Variants in CDH18 observed in about 807,000 individuals in gnomAD.
The protein encoded by CDH18 is cadherin-18.
CDH18 carries 31 observed loss-of-function variants against 67.9 expected under a neutral mutation model. That is an observed-to-expected ratio of 0.46 (90% CI 0.34 to 0.62). The LOEUF (loss-of-function observed/expected upper bound fraction) is 0.62, where lower values mean the gene tolerates loss of function less well. Among genes scored for constraint, CDH18 ranks in the 20% least tolerant of loss-of-function variants. The pLI, the probability that CDH18 is intolerant of heterozygous loss-of-function variation, is 0.01. For missense variants in CDH18, 890 were observed against 975.5 expected (o/e 0.91, Z 1.17); for synonymous variants, 362 against 347.2 (o/e 1.04, Z -0.48).
intron 5 of CDH18, among the ~76,000 whole-genome samples, chr5:19,649,783 C>CT (rs34822143): frequency 3.3e-5 from 5 of 151,646 alleles, no homozygotes; most frequent in South Asian, 4.2e-4. Flanking sequence ...AAATGGCTAC[C>CT]TTTTTTTTCC....
intron 2 of CDH18, among the ~76,000 whole-genome samples, chr5:19,936,980 A>G (rs1794345751): frequency 6.6e-6 from 1 of 151,358 alleles, no homozygotes; most frequent in Non-Finnish European, 1.5e-5. Flanking sequence ...TGTAATTATA[A>G]ACATGGCCAT....
chr5:19,520,110 A>T (rs778664570), intron 10 of CDH18, among the ~76,000 whole-genome samples: 6 of 152,098 alleles, frequency 3.9e-5, no homozygotes, highest in Non-Finnish European at 5.9e-5. Flanking sequence ...CAGCCTTCCA[A>T]ATTGCCATGC....
At chr5:20,082,498 T>C (rs1224806323) in intron 2 of CDH18, among the ~76,000 whole-genome samples, 1 of 152,210 alleles carries the variant, frequency 6.6e-6, no homozygotes, top group East Asian at 1.9e-4. Flanking sequence ...TTTTGCAAAT[T>C]GCAAAACCCT....
intron 2 of CDH18, among the ~76,000 whole-genome samples, chr5:20,020,064 C>T (rs1307088040): frequency 6.6e-6 from 1 of 152,148 alleles, no homozygotes; most frequent in Non-Finnish European, 1.5e-5. Context: ...TGCCCCTGCT[C>T]TAGGGATCTG....
At chr5:20,019,476 G>A (rs1291035254) in intron 2 of CDH18, among the ~76,000 whole-genome samples, 1 of 152,096 alleles carries the variant, frequency 6.6e-6, no homozygotes. Flanking sequence ...TGGATCATGG[G>A]GGCCAATTTG....
At chr5:20,203,581 A>AAGAGAGAGAGAGAGAGAGAGAGAG (rs57913549) in intron 2 of CDH18, among the ~76,000 whole-genome samples, 41 of 145,574 alleles carry the variant, frequency 2.8e-4, no homozygotes, top group African/African-American at 1.0e-3. Context: ...GTGGAGGGAA[A>AAGAGAGAGAGAGAGAGAGAGAGAG]AGAGAGAGAG....
intron 8 of CDH18, among the ~76,000 whole-genome samples, chr5:19,546,522 T>C (rs534832097): frequency 6.6e-6 from 1 of 152,266 alleles, no homozygotes; most frequent in South Asian, 2.1e-4. Context: ...GCTTCTTCCA[T>C]TTTAGTATGA....
intron 11 of CDH18, among the ~76,000 whole-genome samples, chr5:19,495,895 G>A (rs941435773): frequency 1.3e-5 from 2 of 152,094 alleles, no homozygotes; most frequent in East Asian, 3.9e-4. Flanking sequence ...TAGGAACTAA[G>A]AAGAGGCTGG....
chr5:19,519,268 AT>A (rs1258454125), intron 10 of CDH18, among the ~76,000 whole-genome samples: 5 of 152,142 alleles, frequency 3.3e-5, no homozygotes. Flanking sequence ...ATAGACATAT[AT>A]TTTTCCCTGA....
chr5:19,477,356 T>C (rs1375546935), intron 12 of CDH18, among the ~76,000 whole-genome samples: 1 of 151,422 alleles, frequency 6.6e-6, no homozygotes, highest in Non-Finnish European at 1.5e-5. Flanking sequence ...CTGGAGCAGA[T>C]GGCACCAGGT....
At chr5:19,996,758 A>G (rs1291120319) in intron 2 of CDH18, among the ~76,000 whole-genome samples, 2 of 151,990 alleles carry the variant, frequency 1.3e-5, no homozygotes, top group East Asian at 3.9e-4. Flanking sequence ...TAATTGGGAA[A>G]TAAAATGGAT....
chr5:20,015,382 T>C (rs1159177420), intron 2 of CDH18, among the ~76,000 whole-genome samples: 2 of 152,104 alleles, frequency 1.3e-5, no homozygotes, highest in Non-Finnish European at 2.9e-5. Context: ...AAGTGGCATG[T>C]ACTGAGGATC....
At chr5:19,510,089 G>T (rs1382506406) in intron 10 of CDH18, among the ~76,000 whole-genome samples, 1 of 152,124 alleles carries the variant, frequency 6.6e-6, no homozygotes, top group Non-Finnish European at 1.5e-5. Context: ...AATTTGAAAA[G>T]CAATTGTCAT....
At chr5:20,212,428 A>T (rs1468539372) in intron 2 of CDH18, among the ~76,000 whole-genome samples, 1 of 152,062 alleles carries the variant, frequency 6.6e-6, no homozygotes, top group Non-Finnish European at 1.5e-5. Flanking sequence ...AATACAGAGA[A>T]TGCCACAAAG....
intron 2 of CDH18, among the ~76,000 whole-genome samples, chr5:19,958,432 T>C (rs565225055): frequency 6.8e-6 from 1 of 146,794 alleles, no homozygotes; most frequent in Admixed American, 6.9e-5. Flanking sequence ...TTAATGTACT[T>C]AGGACTTATG....
intron 1 of CDH18, among the ~76,000 whole-genome samples, chr5:20,526,910 T>A (rs1056474973): frequency 1.3e-5 from 2 of 151,984 alleles, no homozygotes; most frequent in Non-Finnish European, 2.9e-5. Flanking sequence ...GGCACAGAAC[T>A]GGGCTGAAGC....
At chr5:19,630,082 G>A (rs1752187197) in intron 5 of CDH18, among the ~76,000 whole-genome samples, 4 of 151,918 alleles carry the variant, frequency 2.6e-5, no homozygotes, top group Non-Finnish European at 4.4e-5. Flanking sequence ...GATTACAGGT[G>A]CCCTTCACCA....
At chr5:20,238,097 T>C (rs1405028022) in intron 2 of CDH18, among the ~76,000 whole-genome samples, 5 of 151,966 alleles carry the variant, frequency 3.3e-5, no homozygotes, top group Admixed American at 6.6e-5. Context: ...AAAATCGATC[T>C]ATATCTTGAA....
At chr5:20,107,762 T>A (rs1026628041) in intron 2 of CDH18, among the ~76,000 whole-genome samples, 5 of 152,064 alleles carry the variant, frequency 3.3e-5, no homozygotes, top group South Asian at 2.1e-4. Context: ...ACTTCTTTTT[T>A]TTTTATTTTA....
Sources: allele counts gnomAD v4.1 joint callset (sites outside exome capture counted in the v4.1 genomes callset), GRCh38; gene constraint gnomAD v4.1.1; transcripts MANE v1.5; gene names NCBI Gene and HGNC (gene_info 2026-07-23, HGNC 2026-07-21).